The following LYPD6 variants were observed in gnomAD, a reference collection of about 807,000 sequenced individuals.
LYPD6 encodes ly6/PLAUR domain-containing protein 6.
LYPD6 carries 15 observed loss-of-function variants against 22.7 expected under a neutral mutation model. The ratio of observed to expected loss-of-function variants is 0.66; its 90% CI spans 0.44 to 1.02. The LOEUF (loss-of-function observed/expected upper bound fraction) is 1.02. Ranked by LOEUF, LYPD6 falls within the 50% of genes least tolerant of loss-of-function variation. The probability of loss-of-function intolerance (pLI) is 0.00; values close to 1 mark genes in which losing one functional copy is unlikely to be tolerated. For synonymous variants in LYPD6, 72 were observed against 77.5 expected (o/e 0.93, Z 0.37); for missense variants, 189 against 208.4 (o/e 0.91, Z 0.57).
At chr2:149,390,095 T>A (rs1323733831) in intron 1 of LYPD6, among the ~76,000 whole-genome samples, 1 of 152,258 alleles carries the variant, frequency 6.6e-6, no homozygotes, top group Non-Finnish European at 1.5e-5. Flanking sequence ...AGTTCCTTGT[T>A]GGTAGATATT....
downstream of LYPD6, among the ~76,000 whole-genome samples, chr2:149,477,962 A>G (rs1360715350): frequency 1.3e-5 from 2 of 152,174 alleles, no homozygotes; most frequent in African/African-American, 4.8e-5. Context: ...TAACTTGCCA[A>G]TAGACCTGTC....
At chr2:149,375,335 G>A (rs1328101343) in intron 1 of LYPD6, among the ~76,000 whole-genome samples, 1 of 152,170 alleles carries the variant, frequency 6.6e-6, no homozygotes, top group East Asian at 1.9e-4. Context: ...CATGGACTGT[G>A]GGAGGTAGGT....
chr2:149,346,057 C>T (rs1407021988), intron 1 of LYPD6, among the ~76,000 whole-genome samples: 2 of 152,164 alleles, frequency 1.3e-5, no homozygotes, highest in Non-Finnish European at 2.9e-5. Flanking sequence ...GATGAGCAGA[C>T]TCTCCCTACT....
At chr2:149,336,378 G>A (rs1254945170) in intron 1 of LYPD6, among the ~76,000 whole-genome samples, 1 of 152,210 alleles carries the variant, frequency 6.6e-6, no homozygotes, top group Non-Finnish European at 1.5e-5. Flanking sequence ...TTGAAGATAA[G>A]TGTACTTGGA....
At chr2:149,442,668 A>C (rs897335225) in intron 2 of LYPD6, among the ~76,000 whole-genome samples, 1 of 151,828 alleles carries the variant, frequency 6.6e-6, no homozygotes, top group African/African-American at 2.4e-5. Flanking sequence ...AAACCTCTTT[A>C]TCAGATGCAG....
chr2:149,399,228 CA>C (rs1682498095), intron 1 of LYPD6, among the ~76,000 whole-genome samples: 2 of 151,930 alleles, frequency 1.3e-5, no homozygotes, highest in Admixed American at 1.3e-4. Context: ...AATGAAACTG[CA>C]ACAGTGTTAT....
chr2:149,465,535 A>G (rs1162697362), intron 3 of LYPD6, among the ~76,000 whole-genome samples: 1 of 152,230 alleles, frequency 6.6e-6, no homozygotes, highest in Non-Finnish European at 1.5e-5. Flanking sequence ...TTTGTGAAGA[A>G]ACTAAAACAA....
intron 1 of LYPD6, among the ~76,000 whole-genome samples, chr2:149,408,429 G>A (rs764528720): frequency 7.9e-5 from 12 of 152,264 alleles, no homozygotes; most frequent in Middle Eastern, 3.4e-3. Context: ...TGTTCTTTGA[G>A]TTTCTTCTAT....
upstream of LYPD6, chr2:149,330,024 G>C (rs1449785406): frequency 6.6e-6 from 1 of 152,178 alleles, no homozygotes; most frequent in African/African-American, 2.4e-5. Flanking sequence ...CCTGGGTTCG[G>C]AGCTTCACTT....
intron 1 of LYPD6, among the ~76,000 whole-genome samples, chr2:149,334,019 A>G (rs1394684429): frequency 2.0e-5 from 3 of 152,226 alleles, no homozygotes; most frequent in African/African-American, 7.2e-5. Flanking sequence ...AAGCATACGA[A>G]TTACCTTATA....
At chr2:149,443,289 C>T (rs971791387) in intron 2 of LYPD6, among the ~76,000 whole-genome samples, 2 of 152,132 alleles carry the variant, frequency 1.3e-5, no homozygotes, top group African/African-American at 4.8e-5. Context: ...CTTAATTTAT[C>T]TCTTTGATGG....
At chr2:149,332,489 T>G (rs1680957934) in intron 1 of LYPD6, among the ~76,000 whole-genome samples, 1 of 152,222 alleles carries the variant, frequency 6.6e-6, no homozygotes, top group African/African-American at 2.4e-5. Context: ...CTGGATAGTT[T>G]ATATGGCATA....
At chr2:149,466,008 C>T (rs1195166437) in intron 3 of LYPD6, among the ~76,000 whole-genome samples, 3 of 152,120 alleles carry the variant, frequency 2.0e-5, no homozygotes, top group Non-Finnish European at 2.9e-5. Flanking sequence ...AAGTTATCAG[C>T]AGGCTTGATT....
intron 1 of LYPD6, among the ~76,000 whole-genome samples, chr2:149,339,151 G>A (rs535680023): frequency 1.3e-5 from 2 of 152,274 alleles, no homozygotes; most frequent in East Asian, 1.9e-4. Context: ...CTGCTAGAGA[G>A]TCTTCTTTAA....
the LYPD6 span, among the ~76,000 whole-genome samples, chr2:149,484,887 G>T: frequency 2.6e-5 from 4 of 152,080 alleles, no homozygotes; most frequent in East Asian, 7.7e-4. Context: ...GATATCTTTA[G>T]TACTGCCCAT....
chr2:149,380,389 G>A (rs1198661805), intron 1 of LYPD6, among the ~76,000 whole-genome samples: 1 of 152,216 alleles, frequency 6.6e-6, no homozygotes, highest in South Asian at 2.1e-4. Context: ...GGGAGCCCAG[G>A]TGGGAGGCTT....
intron 1 of LYPD6, among the ~76,000 whole-genome samples, chr2:149,421,890 T>G (rs1056436202): frequency 6.6e-6 from 1 of 152,120 alleles, no homozygotes; most frequent in Non-Finnish European, 1.5e-5. Flanking sequence ...GCCCCAGACC[T>G]TCCCTAACTA....
intron 1 of LYPD6, among the ~76,000 whole-genome samples, chr2:149,414,441 A>G (rs1682918531): frequency 6.6e-6 from 1 of 152,300 alleles, no homozygotes; most frequent in East Asian, 1.9e-4. Context: ...AATTTGCGTT[A>G]TATTTTTGTT....
At chr2:149,428,699 G>A (rs1341307966) in intron 1 of LYPD6, among the ~76,000 whole-genome samples, 1 of 152,208 alleles carries the variant, frequency 6.6e-6, no homozygotes, top group East Asian at 1.9e-4. Context: ...AGTTACACAT[G>A]ATTGGTGTTA....
Sources: allele counts gnomAD v4.1 joint callset (sites outside exome capture counted in the v4.1 genomes callset), GRCh38; gene constraint gnomAD v4.1.1; transcripts MANE v1.5; gene names NCBI Gene and HGNC (gene_info 2026-07-23, HGNC 2026-07-21).